The following BMP3 variants were observed in gnomAD, a reference collection of about 807,000 sequenced individuals.
BMP3 encodes the protein bone morphogenetic protein 3 (osteogenic).
A neutral mutation model predicts 38.1 loss-of-function variants in BMP3; 23 were observed. That is an observed-to-expected ratio of 0.60 (90% CI 0.43 to 0.86). BMP3 has a LOEUF of 0.86. Among genes scored for constraint, BMP3 ranks in the 40% least tolerant of loss-of-function variants. The pLI is 0.00. For missense variants in BMP3, 628 were observed against 579.6 expected, an observed-to-expected ratio of 1.08 and a Z score of -0.86; for synonymous variants, 258 against 225.7, an observed-to-expected ratio of 1.14 and a Z score of -1.28.
rs1400957732 is a variant in BMP3 at position 81,056,692 on chromosome 4, C to G, written c.*3156C>G. The G allele has an allele frequency of 1.3e-5, 2 of 152,502 alleles. No individual in the cohort carries two copies. Among genetic ancestry groups the G allele is most frequent in the Non-Finnish European group, 2.9e-5 (2 of 68,018 alleles). 9.4% of individuals were successfully genotyped at this position (152,502 alleles called of 1,614,324 possible). On this transcript the variant is annotated 3_prime_UTR_variant, in exon 3 of 3. Transcript: ENST00000282701. ...AGACTGGATTCCTCAGATCTCAGGACTATAACATTCCAGATAAATTTTTAC... is the reference window on the plus strand; with the variant it reads ...AGACTGGATTCCTCAGATCTCAGGAGTATAACATTCCAGATAAATTTTTAC...
At chr4:81,033,884 T>C (rs1739845273) in intron 1 of BMP3, among the ~76,000 whole-genome samples, 1 of 152,192 alleles carries the variant, frequency 6.6e-6, no homozygotes, top group Non-Finnish European at 1.5e-5. Context: ...TTTTAAGTTT[T>C]AGAACATATG....
rs1739743079 is a variant in BMP3, at chr4:81,031,160, G to C, written c.-125G>C. 3 of 1,065,132 alleles carry C rather than the reference G, an allele frequency of 2.8e-6. No individual in the cohort carries two copies. 66.0% of individuals were successfully genotyped at this position (1,065,132 alleles called of 1,614,324 possible). On this transcript the variant is annotated 5_prime_UTR_variant, in exon 1 of 3. Coordinates refer to ENST00000282701, the MANE Select transcript of BMP3 (RefSeq NM_001201.5). ...ATCTCGCTGCACCCGGCCGCGTCCC[G>C]GGCTCCGTGCGCCCTCGCCCCAGCT...
rs982051798 is a variant in BMP3 at position 81,055,522 on chromosome 4, A to T, written c.*1986A>T. On this transcript the variant is annotated 3_prime_UTR_variant, in exon 3 of 3. Transcript: ENST00000282701. ...TTTAATACATGTTCTCAAACATTTG[A>T]AAATAAAAGTATATGATAGAAGGGG... The T allele has an allele frequency of 2.8e-4, 43 of 152,238 alleles. No individual in the cohort carries two copies. Among genetic ancestry groups the T allele is most frequent in the African/African-American group, 9.6e-4 (40 of 41,468 alleles). 9.4% of individuals were successfully genotyped at this position (152,238 alleles called of 1,614,324 possible).
At chr4:81,035,858 G>A (rs934590330) in intron 1 of BMP3, among the ~76,000 whole-genome samples, 5 of 151,938 alleles carry the variant, frequency 3.3e-5, no homozygotes, top group Admixed American at 2.0e-4. Context: ...CATAAAAGGC[G>A]AATACTTTCT....
chr4:81,052,930 G>A (rs1443548632), intron 2 of BMP3, among the ~76,000 whole-genome samples: 1 of 152,060 alleles, frequency 6.6e-6, no homozygotes, highest in Non-Finnish European at 1.5e-5. Context: ...TTTCAATCCT[G>A]TTATTGAAAA....
chr4:81,040,248 G>A (rs1396218189), intron 1 of BMP3, among the ~76,000 whole-genome samples: 1 of 152,152 alleles, frequency 6.6e-6, no homozygotes, highest in East Asian at 1.9e-4. Flanking sequence ...ACCACCTATT[G>A]GTAGTCACAT....
Position 81,031,241 on chromosome 4 carries a change from C to T in BMP3, c.-44C>T, listed in dbSNP as rs772421659. The T allele has an allele frequency of 1.3e-6, 2 of 1,524,356 alleles. No homozygotes were observed. Among genetic ancestry groups the T allele is most frequent in the Non-Finnish European group, 1.8e-6 (2 of 1,134,546 alleles). 94.4% of individuals were successfully genotyped at this position (1,524,356 alleles called of 1,614,324 possible). A position where few individuals can be genotyped will look rare whatever the true frequency, so the allele number is the denominator to read the frequency against. On this transcript the variant is annotated 5_prime_UTR_variant, in exon 1 of 3. Transcript: ENST00000282701. ...CGGCTCCTTGCGCCTTCGGAGTGTC[C>T]CGCAGCGACGCCGGGAGCCGACGCG... is the stretch of plus-strand genomic sequence containing the variant.
intron 2 of BMP3, among the ~76,000 whole-genome samples, chr4:81,049,246 C>T (rs921165831): frequency 6.6e-6 from 1 of 152,198 alleles, no homozygotes; most frequent in East Asian, 1.9e-4. Flanking sequence ...ACATAGGAAA[C>T]GAGATCAAGA....
At chr4:81,050,928 G>A (rs1375474868) in intron 2 of BMP3, among the ~76,000 whole-genome samples, 2 of 151,928 alleles carry the variant, frequency 1.3e-5, no homozygotes, top group Non-Finnish European at 2.9e-5. Context: ...CTGGCAATAT[G>A]CTTTACACCA....
chr4:81,046,643 C>T lies in BMP3; in HGVS notation c.1222C>T (p.Pro408Ser), dbSNP rs1485729552. ...CTCTGGAGCATGCCAGTTCCCCATGCCAAAGGTAGCCATTGTTCTCTGTCC... is the reference window on the plus strand; with the variant it reads ...CTCTGGAGCATGCCAGTTCCCCATGTCAAAGGTAGCCATTGTTCTCTGTCC... ...YCSGACQFPM[P>S]KSLKPSNHAT... Residue 408 changes from proline (P) to serine (S), a missense_variant, in exon 2 of 3, where the codon CCA becomes TCA. Transcript: ENST00000282701. The T allele has an allele frequency of 1.2e-6, 2 of 1,608,376 alleles. No homozygotes were observed. The highest frequency in any genetic ancestry group is 2.2e-5 in the East Asian group (1 of 44,816).
In BMP3 at chr4:81,054,992, G is replaced by A. The variant is rs962360054; in HGVS notation, c.*1456G>A. 4 of 152,112 alleles carry A rather than the reference G, an allele frequency of 2.6e-5. No homozygotes were observed. The highest frequency in any genetic ancestry group is 9.7e-5 in the African/African-American group (4 of 41,434). The allele number at this position is 152,112 out of a possible 1,614,324, so 9.4% of individuals were successfully genotyped here. A position where few individuals can be genotyped will look rare whatever the true frequency, so the allele number is the denominator to read the frequency against. On this transcript the variant is annotated 3_prime_UTR_variant, in exon 3 of 3. Coordinates refer to ENST00000282701, the MANE Select transcript of BMP3 (RefSeq NM_001201.5). ...CTGTCTCTGCCTGTAGCTAATTATG[G>A]TGGTTCAGTCATTTAATAAATATGT...
At chr4:81,041,541 C>T (rs989707868) in intron 1 of BMP3, among the ~76,000 whole-genome samples, 2 of 152,144 alleles carry the variant, frequency 1.3e-5, no homozygotes, top group Admixed American at 1.3e-4. Flanking sequence ...AGAGCAAACA[C>T]ATCAAGTGTT....
chr4:81,030,894 A>C lies in BMP3; in HGVS notation c.-391A>C. 1 of 194,696 alleles carries C rather than the reference A, an allele frequency of 5.1e-6. No individual in the cohort carries two copies. Among genetic ancestry groups the C allele is most frequent in the Non-Finnish European group, 1.0e-5 (1 of 95,992 alleles). 12.1% of individuals were successfully genotyped at this position (194,696 alleles called of 1,614,324 possible). A position where few individuals can be genotyped will look rare whatever the true frequency, so the allele number is the denominator to read the frequency against. On this transcript the variant is annotated 5_prime_UTR_variant, in exon 1 of 3. Coordinates refer to ENST00000282701, the MANE Select transcript of BMP3 (RefSeq NM_001201.5). ...CCGACCTGGCGCCCAAAACAGAGCT[A>C]GTCCTAGTCCCTCGCGCGGCCAGTT...
At chr4:81,047,552 A>AAG (rs1428419034) in intron 2 of BMP3, among the ~76,000 whole-genome samples, 3 of 151,650 alleles carry the variant, frequency 2.0e-5, no homozygotes, top group Non-Finnish European at 4.4e-5. Flanking sequence ...GTTATACCAA[A>AAG]AAAAAAAAAA....
chr4:81,034,838 T>C (rs1053949681), intron 1 of BMP3, among the ~76,000 whole-genome samples: 5 of 152,152 alleles, frequency 3.3e-5, no homozygotes, highest in African/African-American at 4.8e-5. Flanking sequence ...GGCTAAAATA[T>C]AAGGCTTCGG....
intron 1 of BMP3, among the ~76,000 whole-genome samples, chr4:81,033,973 G>A (rs966788106): frequency 2.6e-5 from 4 of 152,134 alleles, no homozygotes; most frequent in Non-Finnish European, 4.4e-5. Context: ...CTGCTGATCC[G>A]GCAGCCTCTG....
At chr4:81,050,387 C>T (rs761077010) in intron 2 of BMP3, among the ~76,000 whole-genome samples, 29 of 152,208 alleles carry the variant, frequency 1.9e-4, no homozygotes, top group Non-Finnish European at 3.4e-4. Flanking sequence ...TGAAAAATAC[C>T]CATACAGTTA....
At chr4:81,036,635 T>A (rs1739931941) in intron 1 of BMP3, among the ~76,000 whole-genome samples, 1 of 152,066 alleles carries the variant, frequency 6.6e-6, no homozygotes, top group South Asian at 2.1e-4. Context: ...ATGATTATGT[T>A]ATGAATCCAT....
In BMP3 at chr4:81,056,284, C is replaced by T. The variant is rs963449576; in HGVS notation, c.*2748C>T. Reference sequence around the variant, plus strand: ...TTCCCCCACAAGTAATCTCTCTACCCCATGCAGTGTGCACACACACACACA... The same window carrying T: ...TTCCCCCACAAGTAATCTCTCTACCTCATGCAGTGTGCACACACACACACA... On this transcript the variant is annotated 3_prime_UTR_variant, in exon 3 of 3. Transcript: ENST00000282701. The T allele has an allele frequency of 1.3e-5, 2 of 150,626 alleles. No individual in the cohort carries two copies. The highest frequency in any genetic ancestry group is 1.3e-4 in the Admixed American group (2 of 15,124). The allele number at this position is 150,626 out of a possible 1,614,324, so 9.3% of individuals were successfully genotyped here.
Sources: gnomAD v4.1 joint callset for allele counts (sites outside exome capture counted in the v4.1 genomes callset) on GRCh38, gnomAD v4.1.1 for gene constraint, MANE v1.5 for transcripts, NCBI Gene and HGNC (gene_info 2026-07-23, HGNC 2026-07-21) for gene names.